H2BC12: variants seen among roughly 807,000 people sequenced by gnomAD.
The protein encoded by H2BC12 is H2B clustered histone 12.
A neutral mutation model predicts 6.3 loss-of-function variants in H2BC12; 6 were observed. The observed-to-expected ratio is 0.95, with a 90% CI of 0.52 to 1.87. The LOEUF is 1.87. Ranked by LOEUF, H2BC12 falls within the 40% of genes most tolerant of loss-of-function variation. H2BC12 has a pLI of 0.01. For missense variants in H2BC12, 119 were observed against 178.4 expected (o/e 0.67, Z 1.90); for synonymous variants, 132 against 78.5 (o/e 1.68, Z -3.60).
Position 27,146,750 on chromosome 6 carries a change from T to G in H2BC12, c.49A>C (p.Lys17Gln). 1 of 1,614,262 alleles carries G rather than the reference T, an allele frequency of 6.2e-7. No individual in the cohort carries two copies. The highest frequency in any genetic ancestry group is 8.5e-7 in the Non-Finnish European group (1 of 1,180,038). Reference protein sequence around the residue: ...SAPAPKKGSKKAVTKAQKKDG... With the variant: ...SAPAPKKGSKQAVTKAQKKDG... Reference sequence around the variant, plus strand: ...TTCTTCTGCGCCTTAGTCACGGCTTTCTTCGAGCCCTTCTTGGGCGCGGGA... The same window carrying G: ...TTCTTCTGCGCCTTAGTCACGGCTTGCTTCGAGCCCTTCTTGGGCGCGGGA... Residue 17 changes from lysine (K) to glutamine (Q), a missense_variant, in exon 1 of 1, where the codon AAA (lysine) becomes CAA (glutamine). Coordinates refer to ENST00000356950, the MANE Select transcript of H2BC12 (RefSeq NM_001312653.2).
In H2BC12 at chr6:27,146,852, T is replaced by C. The variant is rs1760102058; in HGVS notation, c.-54A>G. 3 of 1,595,720 alleles carry C rather than the reference T, an allele frequency of 1.9e-6. No individual in the cohort carries two copies. The highest frequency in any genetic ancestry group is 2.6e-6 in the Non-Finnish European group (3 of 1,171,846). On this transcript the variant is annotated 5_prime_UTR_variant, in exon 1 of 1. Coordinates refer to ENST00000356950, the MANE Select transcript of H2BC12 (RefSeq NM_001312653.2). ...AGCAGCAGATCGAGAAAACGGGAAG[T>C]AATGGGAGCAAGGTACCAGGAGTCG...
chr6:27,141,451 AATTTTT>A (rs1760005826), downstream of H2BC12, among the ~76,000 whole-genome samples: 1 of 152,026 alleles, frequency 6.6e-6, no homozygotes, highest in South Asian at 2.1e-4. Flanking sequence ...GTCTTTCTTT[AATTTTT>A]ATTATTCCAG....
In H2BC12 at chr6:27,146,852, T is replaced by A; in HGVS notation, c.-54A>T. On this transcript the variant is annotated 5_prime_UTR_variant, in exon 1 of 1. Transcript: ENST00000356950. Reference sequence around the variant, plus strand: ...AGCAGCAGATCGAGAAAACGGGAAGTAATGGGAGCAAGGTACCAGGAGTCG... The same window carrying A: ...AGCAGCAGATCGAGAAAACGGGAAGAAATGGGAGCAAGGTACCAGGAGTCG... 6.3e-7 allele frequency: 1 copy of A among 1,595,720 alleles called. No homozygotes were observed. The highest frequency in any genetic ancestry group is 8.5e-7 in the Non-Finnish European group (1 of 1,171,846).
At chr6:27,143,353 A>G (rs1581433981), downstream of H2BC12, among the ~76,000 whole-genome samples, 1 of 148,586 alleles carries the variant, frequency 6.7e-6, no homozygotes, top group East Asian at 2.0e-4. Context: ...CTGTCTCAAA[A>G]AAAAGAAAAA....
the H2BC12 span, chr6:27,139,183 C>T: frequency 9.7e-7 from 1 of 1,028,248 alleles, no homozygotes; most frequent in Non-Finnish European, 1.4e-6. Context: ...CTTTTAGGTC[C>T]CCTCCCCCAA....
chr6:27,139,367 G>A, the H2BC12 span: 3 of 1,614,164 alleles, frequency 1.9e-6, no homozygotes, highest in South Asian at 1.1e-5. Context: ...AAGCGCCACC[G>A]CAAGGTGCTG....
At chr6:27,140,901 GTTTGT>G in the H2BC12 span, among the ~76,000 whole-genome samples, 6 of 151,084 alleles carry the variant, frequency 4.0e-5, no homozygotes, top group Admixed American at 4.0e-4. Flanking sequence ...CACCTTGTGG[GTTTGT>G]TTTTAACTGT....
downstream of H2BC12, among the ~76,000 whole-genome samples, chr6:27,143,835 G>A (rs534993727): frequency 7.8e-5 from 9 of 116,020 alleles, no homozygotes; most frequent in South Asian, 1.4e-3. Context: ...GCAAAGCACT[G>A]AACTACTCTT....
At chr6:27,139,556 CCGCCATGGACGTGGTCTA>C in the H2BC12 span, 4 of 1,614,124 alleles carry the variant, frequency 2.5e-6, no homozygotes, top group Admixed American at 6.7e-5. Context: ...AAGACGGTCA[CCGCCATGGACGTGGTCTA>C]CGCGCTCAAG....
At chr6:27,139,858 C>CCA in the H2BC12 span, 1 of 606,460 alleles carries the variant, frequency 1.6e-6, no homozygotes, top group Non-Finnish European at 2.7e-6. Context: ...TAACTTCTGG[C>CCA]GGCTGCCTGG....
rs141986533 is a variant in H2BC12 at position 27,146,505 on chromosome 6, G to C, written c.294C>G (p.Ala98=). ...STITSREIQT[A]VRLLLPGELA... Reference sequence around the variant, plus strand: ...ACTCCCCGGGCAGCAGCAGGCGCACGGCCGTCTGGATCTCCCTGGAGGTGA... The same window carrying C: ...ACTCCCCGGGCAGCAGCAGGCGCACCGCCGTCTGGATCTCCCTGGAGGTGA... Residue 98 remains alanine (A), a synonymous_variant, in exon 1 of 1, where the codon GCC becomes GCG. Transcript: ENST00000356950. 2 of 1,614,236 alleles carry C rather than the reference G, an allele frequency of 1.2e-6. No homozygotes were observed. The highest frequency in any genetic ancestry group is 2.2e-5 in the East Asian group (1 of 44,884).
chr6:27,140,086 G>C, the H2BC12 span, among the ~76,000 whole-genome samples: 102 of 152,124 alleles, frequency 6.7e-4, no homozygotes, highest in African/African-American at 1.8e-3. Flanking sequence ...CTCTGCATGG[G>C]GGGGAGGGGG....
In H2BC12 at chr6:27,146,832, C is replaced by G. The variant is rs775118699; in HGVS notation, c.-34G>C. On this transcript the variant is annotated 5_prime_UTR_variant, in exon 1 of 1. Transcript: ENST00000356950. ...CGAACTACGAGCCTGAGACGAGCAGCAGATCGAGAAAACGGGAAGTAATGG... is the reference window on the plus strand; with the variant it reads ...CGAACTACGAGCCTGAGACGAGCAGGAGATCGAGAAAACGGGAAGTAATGG... 2 of 1,604,906 alleles carry G rather than the reference C, an allele frequency of 1.2e-6. No individual in the cohort carries two copies. The highest frequency in any genetic ancestry group is 2.2e-5 in the East Asian group (1 of 44,826).
Position 27,146,520 on chromosome 6 carries a change from C to T in H2BC12, c.279G>A (p.Arg93=). ...HYNKRSTITS[R]EIQTAVRLLL... ...GCAGGCGCACGGCCGTCTGGATCTC[C>T]CTGGAGGTGATGGTCGAGCGCTTGT... Residue 93 remains arginine (R), a synonymous_variant, in exon 1 of 1, where the codon AGG becomes AGA. Transcript: ENST00000356950. The T allele has an allele frequency of 6.2e-7, 1 of 1,614,236 alleles. No individual in the cohort carries two copies. Among genetic ancestry groups the T allele is most frequent in the South Asian group, 1.1e-5 (1 of 91,084 alleles).
At chr6:27,139,952 T>A in the H2BC12 span, 1 of 289,834 alleles carries the variant, frequency 3.5e-6, no homozygotes, top group Non-Finnish European at 6.8e-6. Flanking sequence ...GCTAGATAAT[T>A]AACTTCCCTC....
At chr6:27,138,812 C>T in the H2BC12 span, 1 of 152,146 alleles carries the variant, frequency 6.6e-6, no homozygotes, top group African/African-American at 2.4e-5. Flanking sequence ...ATTCTCCACC[C>T]CAAACACTAG....
At chr6:27,139,813 A>AT in the H2BC12 span, 1 of 939,654 alleles carries the variant, frequency 1.1e-6, no homozygotes, top group Non-Finnish European at 1.5e-6. Context: ...TTGGGCCGAG[A>AT]TTTTTCCAAG....
chr6:27,146,286 T>C (rs1760078754), downstream of H2BC12: 6 of 1,441,342 alleles, frequency 4.2e-6, no homozygotes, highest in Non-Finnish European at 5.7e-6. Flanking sequence ...AAGATCATGA[T>C]AATCCCTTTA....
At chr6:27,140,518 A>AT in the H2BC12 span, among the ~76,000 whole-genome samples, 6 of 146,104 alleles carry the variant, frequency 4.1e-5, no homozygotes, top group African/African-American at 1.1e-4. Context: ...TTCTCTGTTG[A>AT]TTTTTTTTCC....
Sources: gnomAD v4.1 joint callset for allele counts (sites outside exome capture counted in the v4.1 genomes callset) on GRCh38, gnomAD v4.1.1 for gene constraint, MANE v1.5 for transcripts, NCBI Gene and HGNC (gene_info 2026-07-23, HGNC 2026-07-21) for gene names.